UBE2V2: variants seen among roughly 807,000 people sequenced by gnomAD.
UBE2V2 encodes ubiquitin-conjugating enzyme E2 variant 2.
Under a neutral mutation model 17.2 loss-of-function variants are expected in UBE2V2, and 9 were observed. The ratio of observed to expected loss-of-function variants is 0.52; its 90% CI spans 0.32 to 0.91. The LOEUF is 0.91. Among genes scored for constraint, UBE2V2 ranks in the 40% least tolerant of loss-of-function variants. UBE2V2 has a pLI of 0.04. For synonymous variants in UBE2V2, 61 were observed against 57.5 expected, an observed-to-expected ratio of 1.06 and a Z score of -0.28; for missense variants, 133 against 182.6, an observed-to-expected ratio of 0.73 and a Z score of 1.56.
chr8:48,017,845 C>CAT (rs752427224), intron 1 of UBE2V2, among the ~76,000 whole-genome samples: 3 of 144,914 alleles, frequency 2.1e-5, no homozygotes, highest in Admixed American at 6.9e-5. Flanking sequence ...TCATAGATTG[C>CAT]CTTTTTTTTT....
chr8:48,050,039 G>GTA, intron 3 of UBE2V2, 61 bp downstream of exon 3: 1 of 1,143,392 alleles, frequency 8.7e-7, no homozygotes, highest in Non-Finnish European at 1.2e-6. Context: ...TATATTATAC[G>GTA]TACACACACC....
chr8:47,999,812 G>T, the UBE2V2 span, among the ~76,000 whole-genome samples: 1 of 152,214 alleles, frequency 6.6e-6, no homozygotes, highest in Non-Finnish European at 1.5e-5. Context: ...AGCATCGGCA[G>T]ACTCACGTCT....
intron 1 of UBE2V2, among the ~76,000 whole-genome samples, chr8:48,039,044 T>G (rs2091443707): frequency 6.6e-6 from 1 of 150,848 alleles, no homozygotes; most frequent in Non-Finnish European, 1.5e-5. Flanking sequence ...TTCTCCTGCC[T>G]TAGGAGAATT....
At chr8:48,043,717 T>A (rs2091479605) in intron 2 of UBE2V2, 1 of 152,180 alleles carries the variant, frequency 6.6e-6, no homozygotes, top group South Asian at 2.1e-4. Context: ...TAAATTGGTT[T>A]GCATTGAGTG....
the UBE2V2 span, among the ~76,000 whole-genome samples, chr8:47,999,934 G>T: frequency 1.4e-4 from 21 of 152,202 alleles, no homozygotes; most frequent in Non-Finnish European, 2.6e-4. Context: ...GGGCTTGCAT[G>T]CACCAGTAAT....
intron 1 of UBE2V2, among the ~76,000 whole-genome samples, chr8:48,012,641 C>A (rs373503061): frequency 3.2e-4 from 48 of 151,788 alleles, no homozygotes; most frequent in African/African-American, 1.1e-3. Context: ...TCTCTTGAAC[C>A]CGGGAGGCAG....
At chr8:48,008,348 G>A (rs1327738363), upstream of UBE2V2, 45 of 1,384,776 alleles carry the variant, frequency 3.2e-5, no homozygotes, top group Non-Finnish European at 3.8e-5. Flanking sequence ...CCCCGCGCCC[G>A]CCGGGGGCGG....
chr8:48,012,808 A>C (rs1716809318), intron 1 of UBE2V2, among the ~76,000 whole-genome samples: 1 of 152,272 alleles, frequency 6.6e-6, no homozygotes, highest in Non-Finnish European at 1.5e-5. Flanking sequence ...TAGTACAGAA[A>C]GTTTCCATGC....
intron 3 of UBE2V2, among the ~76,000 whole-genome samples, chr8:48,056,504 T>C (rs1209926200): frequency 1.3e-5 from 2 of 152,112 alleles, no homozygotes; most frequent in African/African-American, 2.4e-5. Flanking sequence ...TCCACATCCT[T>C]GCTAACCCCA....
chr8:48,058,154 C>T (rs1585448403), intron 3 of UBE2V2, among the ~76,000 whole-genome samples: 2 of 150,920 alleles, frequency 1.3e-5, no homozygotes, highest in East Asian at 1.9e-4. Flanking sequence ...GCCAAGATGA[C>T]GAAACCCTGT....
the UBE2V2 span, among the ~76,000 whole-genome samples, chr8:48,001,828 G>A: frequency 5.3e-5 from 8 of 152,192 alleles, no homozygotes; most frequent in African/African-American, 1.9e-4. Flanking sequence ...AGTGGCTCAT[G>A]CCTGTAATCC....
At chr8:48,017,378 CTTT>C (rs778688669) in intron 1 of UBE2V2, among the ~76,000 whole-genome samples, 7 of 142,336 alleles carry the variant, frequency 4.9e-5, no homozygotes, top group East Asian at 2.0e-4. Flanking sequence ...TTCTCTCTCT[CTTT>C]TTTTTTTTTT....
chr8:48,028,518 A>T (rs1589855536), intron 1 of UBE2V2, among the ~76,000 whole-genome samples: 1 of 151,912 alleles, frequency 6.6e-6, no homozygotes, highest in South Asian at 2.1e-4. Context: ...TTGTATTTTT[A>T]TTAGAGATGG....
chr8:48,035,581 C>A (rs542777689), intron 1 of UBE2V2, among the ~76,000 whole-genome samples: 1 of 143,806 alleles, frequency 7.0e-6, no homozygotes, highest in East Asian at 2.1e-4. Context: ...CACAAAGTAG[C>A]ATTTAAGTCA....
At chr8:48,042,346 T>G (rs1470813188) in intron 1 of UBE2V2, 1 of 152,100 alleles carries the variant, frequency 6.6e-6, no homozygotes, top group African/African-American at 2.4e-5. Context: ...TTTAAGAAAC[T>G]CATATAAAAT....
At chr8:48,045,079 C>T (rs2091489040) in intron 2 of UBE2V2, among the ~76,000 whole-genome samples, 1 of 152,278 alleles carries the variant, frequency 6.6e-6, no homozygotes, top group South Asian at 2.1e-4. Flanking sequence ...GGCTGCTTCT[C>T]TGCAACTCTC....
chr8:48,025,062 G>C (rs1395895034), intron 1 of UBE2V2, among the ~76,000 whole-genome samples: 1 of 151,730 alleles, frequency 6.6e-6, no homozygotes, highest in African/African-American at 2.4e-5. Context: ...AGCCTCCCGA[G>C]TAGCTGGAAC....
rs558265040 is a variant in UBE2V2, at chr8:48,064,123, T to C, written c.*3295T>C. The C allele has an allele frequency of 1.8e-4, 27 of 152,338 alleles. No individual in the cohort carries two copies. The highest frequency in any genetic ancestry group is 6.0e-4 in the African/African-American group (25 of 41,588). 9.4% of individuals were successfully genotyped at this position (152,338 alleles called of 1,614,324 possible). ...GGTACATTTTGAAGAATATAAGTAC[T>C]GATGATAAAGTCTAGTATGCATAAT... On this transcript the variant is annotated 3_prime_UTR_variant, in exon 4 of 4. Transcript: ENST00000523111.
At chr8:48,049,573 C>T (rs2091521451) in intron 2 of UBE2V2, 1 of 212,614 alleles carries the variant, frequency 4.7e-6, no homozygotes. Context: ...TCATTTTTAT[C>T]ACAAAAGCAA....
Sources: allele counts gnomAD v4.1 joint callset (sites outside exome capture counted in the v4.1 genomes callset), GRCh38; gene constraint gnomAD v4.1.1; transcripts MANE v1.5; gene names NCBI Gene and HGNC (gene_info 2026-07-23, HGNC 2026-07-21).